SLC35F4: variants seen among roughly 807,000 people sequenced by gnomAD.
The protein encoded by SLC35F4 is chromosome 14 open reading frame 36.
A neutral mutation model predicts 44.2 loss-of-function variants in SLC35F4; 24 were observed. The ratio of observed to expected loss-of-function variants is 0.54; its 90% CI spans 0.39 to 0.76. SLC35F4 has a LOEUF of 0.76. SLC35F4 is among the 30% of genes least tolerant of loss of function. The pLI is 0.00. For synonymous variants in SLC35F4, 238 were observed against 223.6 expected, an observed-to-expected ratio of 1.06 and a Z score of -0.57; for missense variants, 562 against 586.1, an observed-to-expected ratio of 0.96 and a Z score of 0.42.
rs189544386 is a variant in SLC35F4 at position 57,943,697 on chromosome 14, G to T, written n.282+38216C>A. On this transcript the variant is annotated intron_variant and non_coding_transcript_variant, in intron 1 of 1. Coordinates refer to the SLC35F4 transcript ENST00000556568. Reference sequence around the variant, plus strand: ...CGATGTCTGCACGGATCATGGATGGGCCCAGCTGAACTTCTTCTGTAATAC... The same window carrying T: ...CGATGTCTGCACGGATCATGGATGGTCCCAGCTGAACTTCTTCTGTAATAC... 6.6e-5 allele frequency among the ~76,000 whole-genome samples: 10 copies of T among 152,280 alleles called. No homozygotes were observed. The East Asian group carries it at 1.9e-3, about 29-fold the overall frequency.
At chr14:57,958,649 A>C (rs535847557) in intron 1 of SLC35F4, among the ~76,000 whole-genome samples, 8 of 152,274 alleles carry the variant, frequency 5.3e-5, no homozygotes, top group South Asian at 2.1e-4. Flanking sequence ...GAGTGTTATG[A>C]TATGTGAATT....
intron 5 of SLC35F4, among the ~76,000 whole-genome samples, chr14:57,570,220 A>G (rs2068428376): frequency 6.6e-6 from 1 of 152,190 alleles, no homozygotes; most frequent in Non-Finnish European, 1.5e-5. Context: ...ACTGCTGGGT[A>G]GTGTACATTG....
chr14:57,680,770 T>C (rs1005776140), intron 1 of SLC35F4, among the ~76,000 whole-genome samples: 86 of 152,140 alleles, frequency 5.7e-4, no homozygotes, highest in African/African-American at 1.6e-3. Context: ...CCATTCACAA[T>C]TGCTACAAAG....
At chr14:57,972,726 T>C (rs1292965077), downstream of SLC35F4, among the ~76,000 whole-genome samples, 1 of 152,188 alleles carries the variant, frequency 6.6e-6, no homozygotes, top group African/African-American at 2.4e-5. Flanking sequence ...AGCCAAATCA[T>C]CTTCATGGCC....
At chr14:57,624,847 C>T (rs996426511) in intron 1 of SLC35F4, among the ~76,000 whole-genome samples, 6 of 152,138 alleles carry the variant, frequency 3.9e-5, no homozygotes, top group African/African-American at 1.4e-4. Flanking sequence ...CAGCCAATAT[C>T]ATACTGAATG....
intron 1 of SLC35F4, among the ~76,000 whole-genome samples, chr14:57,880,063 AGG>A (rs1266351791): frequency 6.8e-4 from 73 of 107,490 alleles, no homozygotes; most frequent in African/African-American, 1.8e-3. Context: ...GAAGGAAGGA[AGG>A]AAGGAAGGAA....
At chr14:57,899,005 CA>C (rs1384422648) in intron 1 of SLC35F4, among the ~76,000 whole-genome samples, 2 of 152,136 alleles carry the variant, frequency 1.3e-5, no homozygotes, top group Non-Finnish European at 2.9e-5. Context: ...CCTAAGCTCT[CA>C]AAATTCCTAA....
chr14:57,862,341 G>A (rs940025442), intron 1 of SLC35F4, among the ~76,000 whole-genome samples: 2 of 152,102 alleles, frequency 1.3e-5, no homozygotes, highest in Non-Finnish European at 2.9e-5. Context: ...TACTAATTAG[G>A]TGTTTTCACC....
chr14:57,895,722 T>C (rs1163505981), intron 1 of SLC35F4, among the ~76,000 whole-genome samples: 1 of 151,908 alleles, frequency 6.6e-6, no homozygotes, highest in African/African-American at 2.4e-5. Context: ...CTGTTAAGCC[T>C]GTGGAGCTAT....
intron 1 of SLC35F4, among the ~76,000 whole-genome samples, chr14:57,798,863 TAG>T (rs775643417): frequency 6.6e-6 from 1 of 152,044 alleles, no homozygotes; most frequent in Non-Finnish European, 1.5e-5. Flanking sequence ...AAAAACTAGA[TAG>T]AGAGAAGCAG....
chr14:57,712,869 T>C (rs992380180), intron 1 of SLC35F4, among the ~76,000 whole-genome samples: 3 of 152,206 alleles, frequency 2.0e-5, no homozygotes, highest in African/African-American at 7.2e-5. Context: ...CTGAGACTAG[T>C]TGGTCACAGT....
At chr14:57,961,381 T>G in intron 1 of SLC35F4, among the ~76,000 whole-genome samples, 1 of 151,968 alleles carries the variant, frequency 6.6e-6, no homozygotes, top group African/African-American at 2.4e-5. Context: ...CGCCACAGAG[T>G]AAACACGTCC....
At chr14:57,700,210 CA>C (rs1355207404) in intron 1 of SLC35F4, among the ~76,000 whole-genome samples, 4 of 152,202 alleles carry the variant, frequency 2.6e-5, no homozygotes, top group African/African-American at 9.7e-5. Context: ...TCCTAGCATA[CA>C]AACCCCTACA....
At chr14:57,661,847 A>C (rs1020333803) in intron 1 of SLC35F4, among the ~76,000 whole-genome samples, 9 of 152,192 alleles carry the variant, frequency 5.9e-5, no homozygotes, top group African/African-American at 1.9e-4. Flanking sequence ...TGCACTTCTA[A>C]CAAGTTCCCA....
At chr14:57,848,899 G>A (rs1184346340) in intron 1 of SLC35F4, among the ~76,000 whole-genome samples, 1 of 152,142 alleles carries the variant, frequency 6.6e-6, no homozygotes, top group Non-Finnish European at 1.5e-5. Flanking sequence ...GTGGAACTTG[G>A]GGAGCAAGGG....
chr14:57,968,923 T>C lies in SLC35F4; in HGVS notation n.282+12990A>G, dbSNP rs539482446. On this transcript the variant is annotated intron_variant and non_coding_transcript_variant, in intron 1 of 1. Coordinates refer to the SLC35F4 transcript ENST00000556568. ...TAGACTTAGGAATCCGTTAAACTTG[T>C]CTAGGAAAATCAAGACTAGTTTCAG... Among the ~76,000 whole-genome samples, 27 of 152,350 alleles carry C rather than the reference T, an allele frequency of 1.8e-4. No individual in the cohort carries two copies. In the South Asian group the frequency reaches 5.6e-3, roughly 32 times the overall value.
intron 1 of SLC35F4, among the ~76,000 whole-genome samples, chr14:57,874,624 G>A (rs189565341): frequency 2.6e-4 from 40 of 152,300 alleles, no homozygotes; most frequent in Non-Finnish European, 4.7e-4. Flanking sequence ...CTCACTCTCA[G>A]TGGATCATCT....
chr14:57,914,039 A>T lies in SLC35F4; in HGVS notation n.282+67874T>A, dbSNP rs146723760. 2.8e-3 allele frequency among the ~76,000 whole-genome samples: 419 copies of T among 152,306 alleles called. 7 individuals are homozygous for T. The highest frequency in any genetic ancestry group is 9.7e-3 in the African/African-American group (404 of 41,556). On this transcript the variant is annotated intron_variant and non_coding_transcript_variant, in intron 1 of 1. Coordinates refer to the SLC35F4 transcript ENST00000556568. The stretch of plus-strand genomic sequence containing the variant: ...AGTATGGCTCCTAAAGAGAAGTTGG[A>T]TGTAGTTATCTTTGCTCCTATATAG...
chr14:57,631,837 A>G (rs896379725), intron 1 of SLC35F4, among the ~76,000 whole-genome samples: 6 of 152,134 alleles, frequency 3.9e-5, no homozygotes, highest in African/African-American at 1.4e-4. Context: ...GACATGTCCA[A>G]TCTCAAATCT....
Sources: gnomAD v4.1 joint callset for allele counts (sites outside exome capture counted in the v4.1 genomes callset) on GRCh38, gnomAD v4.1.1 for gene constraint, MANE v1.5 for transcripts, NCBI Gene and HGNC (gene_info 2026-07-23, HGNC 2026-07-21) for gene names.